ZFPM2: variants seen among roughly 807,000 people sequenced by gnomAD.
ZFPM2 encodes zinc finger protein, FOG family member 2, also known as zinc finger protein ZFPM2.
A neutral mutation model predicts 98.6 loss-of-function variants in ZFPM2; 20 were observed. The ratio of observed to expected loss-of-function variants is 0.20; its 90% CI spans 0.14 to 0.29. The LOEUF is 0.29. Among genes scored for constraint, ZFPM2 ranks in the 10% least tolerant of loss-of-function variants. The pLI is 1.00. For synonymous variants in ZFPM2, 518 were observed against 502.7 expected, an observed-to-expected ratio of 1.03 and a Z score of -0.41; for missense variants, 1,310 against 1,388.6, an observed-to-expected ratio of 0.94 and a Z score of 0.90.
At chr8:105,673,266 T>G (rs997364861) in intron 5 of ZFPM2, among the ~76,000 whole-genome samples, 12 of 151,202 alleles carry the variant, frequency 7.9e-5, no homozygotes, top group African/African-American at 2.9e-4. Context: ...AGTCTCATTT[T>G]TTTTTTGTCA....
intron 5 of ZFPM2, among the ~76,000 whole-genome samples, chr8:105,732,196 C>T (rs928494220): frequency 2.4e-4 from 37 of 151,744 alleles, no homozygotes; most frequent in African/African-American, 8.5e-4. Context: ...CCTATGCATA[C>T]GTTATCACTT....
chr8:105,421,018 A>T (rs1368229064), intron 2 of ZFPM2, among the ~76,000 whole-genome samples: 1 of 152,036 alleles, frequency 6.6e-6, no homozygotes, highest in Non-Finnish European at 1.5e-5. Flanking sequence ...CTTTCATTAA[A>T]CTTTTCATTA....
chr8:105,790,091 T>TA (rs1451485444), intron 6 of ZFPM2, among the ~76,000 whole-genome samples: 3 of 151,556 alleles, frequency 2.0e-5, no homozygotes, highest in African/African-American at 4.8e-5. Context: ...TTAGTTTAAT[T>TA]AGATCCCATT....
chr8:105,578,527 T>C (rs1479270172), intron 4 of ZFPM2, among the ~76,000 whole-genome samples: 2 of 152,146 alleles, frequency 1.3e-5, no homozygotes, highest in African/African-American at 4.8e-5. Flanking sequence ...GTAATTTGCT[T>C]CCATTCTGCA....
chr8:105,437,383 A>G (rs757533271), intron 2 of ZFPM2, among the ~76,000 whole-genome samples: 1 of 152,218 alleles, frequency 6.6e-6, no homozygotes, highest in Non-Finnish European at 1.5e-5. Context: ...TCTAAGTTCT[A>G]CAGTTCTGAT....
At chr8:105,554,731 G>C (rs140545438) in intron 3 of ZFPM2, among the ~76,000 whole-genome samples, 1 of 152,138 alleles carries the variant, frequency 6.6e-6, no homozygotes, top group African/African-American at 2.4e-5. Context: ...TGAAATCTGA[G>C]CCTTGAGTTA....
intron 1 of ZFPM2, among the ~76,000 whole-genome samples, chr8:105,402,538 TC>T: frequency 6.6e-6 from 1 of 152,110 alleles, no homozygotes; most frequent in Middle Eastern, 3.4e-3. Flanking sequence ...AAAAATGGGA[TC>T]CTTTGGCTTC....
chr8:105,635,762 A>G (rs1467113264), intron 5 of ZFPM2, among the ~76,000 whole-genome samples: 1 of 152,190 alleles, frequency 6.6e-6, no homozygotes, highest in Non-Finnish European at 1.5e-5. Context: ...CATTGTATCA[A>G]TATAGTATGG....
At chr8:105,593,694 G>C (rs1586486088) in intron 4 of ZFPM2, among the ~76,000 whole-genome samples, 1 of 151,066 alleles carries the variant, frequency 6.6e-6, no homozygotes, top group Admixed American at 6.6e-5. Flanking sequence ...CATAAGTCAA[G>C]GGCCGAAGAC....
At chr8:105,793,413 T>C (rs1430769487) in intron 6 of ZFPM2, among the ~76,000 whole-genome samples, 4 of 151,494 alleles carry the variant, frequency 2.6e-5, no homozygotes, top group Non-Finnish European at 5.9e-5. Flanking sequence ...GAATATTGGC[T>C]CCCACTCTCT....
At chr8:105,793,808 C>A (rs931804474) in intron 6 of ZFPM2, among the ~76,000 whole-genome samples, 1 of 137,650 alleles carries the variant, frequency 7.3e-6, no homozygotes, top group African/African-American at 3.3e-5. Flanking sequence ...TTTCTCTAAA[C>A]TTCCCTTCTC....
chr8:105,668,826 G>T (rs140953381), intron 5 of ZFPM2, among the ~76,000 whole-genome samples: 133 of 152,132 alleles, frequency 8.7e-4, no homozygotes, highest in African/African-American at 3.0e-3. Context: ...ATTAAATTTG[G>T]ATCTAGCAGG....
chr8:105,330,581 C>CATATAT (rs55876331), intron 1 of ZFPM2, among the ~76,000 whole-genome samples: 2 of 86,340 alleles, frequency 2.3e-5, no homozygotes, highest in South Asian at 3.6e-4. Context: ...TATATATATA[C>CATATAT]ATATATATAT....
At chr8:105,664,320 C>A (rs1209261823) in intron 5 of ZFPM2, among the ~76,000 whole-genome samples, 2 of 121,906 alleles carry the variant, frequency 1.6e-5, no homozygotes, top group Non-Finnish European at 3.3e-5. Flanking sequence ...TCATAAAATT[C>A]TTGTGTGTGT....
At chr8:105,494,183 GTA>G (rs61035457) in intron 3 of ZFPM2, among the ~76,000 whole-genome samples, 5,426 of 59,596 alleles carry the variant, frequency 0.091, 217 homozygotes, top group Middle Eastern at 0.14. Flanking sequence ...GCCACCAAAA[GTA>G]TATATATATA....
rs1414615060 is a variant in ZFPM2 at position 105,802,176 on chromosome 8, G to A, written c.2094G>A (p.Arg698=). The A allele has an allele frequency of 1.2e-6, 2 of 1,613,844 alleles. No homozygotes were observed. The highest frequency in any genetic ancestry group is 1.7e-6 in the Non-Finnish European group (2 of 1,179,864). Residue 698 remains arginine, a synonymous_variant, in exon 8 of 8, where the codon CGG becomes CGA. Transcript: ENST00000407775. Reference sequence around the variant, plus strand: ...AAGCTTGCAACATTACCTTCAGCCGGCACGAAACATACATGGTCCACAAAC... The same window carrying A: ...AAGCTTGCAACATTACCTTCAGCCGACACGAAACATACATGGTCCACAAAC... ...TCEACNITFS[R]HETYMVHKQY...
At chr8:105,627,067 A>T (rs1816671910) in intron 4 of ZFPM2, among the ~76,000 whole-genome samples, 1 of 152,092 alleles carries the variant, frequency 6.6e-6, no homozygotes, top group African/African-American at 2.4e-5. Context: ...AATCCCTGGG[A>T]CAACATTATG....
At chr8:105,579,068 T>C (rs1554618909) in intron 4 of ZFPM2, among the ~76,000 whole-genome samples, 1 of 152,092 alleles carries the variant, frequency 6.6e-6, no homozygotes, top group African/African-American at 2.4e-5. Flanking sequence ...CGTGGAATAC[T>C]AAAGAAAAAA....
chr8:105,715,336 G>A (rs1345947001), intron 5 of ZFPM2, among the ~76,000 whole-genome samples: 5 of 150,190 alleles, frequency 3.3e-5, no homozygotes, highest in African/African-American at 1.2e-4. Flanking sequence ...GAAGTTCAAG[G>A]TCACAGAGAG....
Sources: gnomAD v4.1 joint callset for allele counts (sites outside exome capture counted in the v4.1 genomes callset) on GRCh38, gnomAD v4.1.1 for gene constraint, MANE v1.5 for transcripts, NCBI Gene and HGNC (gene_info 2026-07-23, HGNC 2026-07-21) for gene names.